The following DCAF17 variants were observed in gnomAD, a reference collection of about 807,000 sequenced individuals.
DCAF17 encodes the protein DDB1 and CUL4 associated factor 17.
A neutral mutation model predicts 66.0 loss-of-function variants in DCAF17; 48 were observed. That is an observed-to-expected ratio of 0.73 (90% CI 0.58 to 0.92). The LOEUF (loss-of-function observed/expected upper bound fraction) is 0.92. Among genes scored for constraint, DCAF17 ranks in the 40% least tolerant of loss-of-function variants. The pLI, the probability that DCAF17 is intolerant of heterozygous loss-of-function variation, is 0.00. For missense variants in DCAF17, 562 were observed against 622.8 expected (o/e 0.90, Z 1.04); for synonymous variants, 206 against 214.6 (o/e 0.96, Z 0.35).
chr2:171,459,761 C>T (rs1231893639), intron 8 of DCAF17, among the ~76,000 whole-genome samples: 2 of 151,970 alleles, frequency 1.3e-5, no homozygotes, highest in Non-Finnish European at 2.9e-5. Flanking sequence ...ATAAAAACTA[C>T]TGGGAGTTCA....
Position 171,484,867 on chromosome 2 carries a change from C to CAT in DCAF17, c.*3755_*3756dup. 2.2e-6 allele frequency: 1 copy of CAT among 453,846 alleles called. No homozygotes were observed. Among genetic ancestry groups the CAT allele is most frequent in the South Asian group, 1.6e-5 (1 of 64,420 alleles). 28.1% of individuals were successfully genotyped at this position (453,846 alleles called of 1,614,324 possible). A position where few individuals can be genotyped will look rare whatever the true frequency, so the allele number is the denominator to read the frequency against. ...AAAATGTAATGCTTCTTTCACTTAG[C>CAT]ATAATGTTTTTGAGATTTATTCATG... On this transcript the variant is annotated 3_prime_UTR_variant, in exon 14 of 14. Coordinates refer to ENST00000375255, the MANE Select transcript of DCAF17 (RefSeq NM_025000.4).
Position 171,481,897 on chromosome 2 carries a change from T to G in DCAF17, c.*783T>G. 2.2e-6 allele frequency: 1 copy of G among 454,092 alleles called. No homozygotes were observed. The highest frequency in any genetic ancestry group is 2.0e-5 in the African/African-American group (1 of 50,132). 28.1% of individuals were successfully genotyped at this position (454,092 alleles called of 1,614,324 possible). A position where few individuals can be genotyped will look rare whatever the true frequency, so the allele number is the denominator to read the frequency against. On this transcript the variant is annotated 3_prime_UTR_variant, in exon 14 of 14. Transcript: ENST00000375255. ...CATTCTACTCATTTAGTGAGTTTTCTGATCTTGTTTAGGCAATATTTGCAT... is the reference window on the plus strand; with the variant it reads ...CATTCTACTCATTTAGTGAGTTTTCGGATCTTGTTTAGGCAATATTTGCAT...
intron 12 of DCAF17, 128 bp from the exon 13 acceptor site, chr2:171,479,910 C>A: frequency 9.9e-7 from 1 of 1,012,398 alleles, no homozygotes; most frequent in South Asian, 1.5e-5. Flanking sequence ...TATTATTCTT[C>A]CCATTCATTC....
rs1345882071 is a variant in DCAF17, at chr2:171,434,363, T to C, written c.-215T>C. 9 of 809,446 alleles carry C rather than the reference T, an allele frequency of 1.1e-5. No homozygotes were observed. Among genetic ancestry groups the C allele is most frequent in the Non-Finnish European group, 1.6e-5 (8 of 492,112 alleles). 50.1% of individuals were successfully genotyped at this position (809,446 alleles called of 1,614,324 possible). On this transcript the variant is annotated 5_prime_UTR_variant, in exon 1 of 14. Transcript: ENST00000375255. Reference sequence around the variant, plus strand: ...GGGCAGATCGAAAAGGGAGTGCTTCTTCCCTTCTCTCCGCGCTCTGGCGGT... The same window carrying C: ...GGGCAGATCGAAAAGGGAGTGCTTCCTCCCTTCTCTCCGCGCTCTGGCGGT...
intron 9 of DCAF17, among the ~76,000 whole-genome samples, chr2:171,470,229 C>T (rs1220628624): frequency 6.6e-6 from 1 of 152,016 alleles, no homozygotes; most frequent in Non-Finnish European, 1.5e-5. Context: ...CGCTGTGTTT[C>T]CCTGGGTAGT....
chr2:171,470,544 C>T (rs1034112393), intron 9 of DCAF17, among the ~76,000 whole-genome samples: 1 of 152,152 alleles, frequency 6.6e-6, no homozygotes, highest in African/African-American at 2.4e-5. Flanking sequence ...AAGTACTTAT[C>T]ACATGGCTGC....
intron 11 of DCAF17, 91 bp from the exon 12 acceptor site, chr2:171,477,896 G>C: frequency 9.8e-7 from 1 of 1,018,834 alleles, no homozygotes; most frequent in Non-Finnish European, 1.5e-6. Context: ...GAGAAGGGTT[G>C]GTAAGTTTTA....
chr2:171,449,364 TA>T (rs933928536), intron 4 of DCAF17, among the ~76,000 whole-genome samples: 63 of 149,286 alleles, frequency 4.2e-4, no homozygotes, highest in African/African-American at 9.5e-4. Context: ...TAAATAAACT[TA>T]AAAAAAAAAA....
intron 9 of DCAF17, among the ~76,000 whole-genome samples, chr2:171,470,940 A>T (rs1045877525): frequency 6.6e-6 from 1 of 152,200 alleles, no homozygotes; most frequent in Non-Finnish European, 1.5e-5. Context: ...TGCATAGATT[A>T]TATGCAAATA....
rs996165197 is a variant in DCAF17 at position 171,463,099 on chromosome 2, C to T, written c.838+4622C>T. Among the ~76,000 whole-genome samples the T allele has an allele frequency of 4.6e-5, 7 of 151,866 alleles. No homozygotes were observed. The East Asian group carries it at 7.7e-4, about 17-fold the overall frequency. ...TACAAAAATTAGTCAGGTGTGGTGG[C>T]GAGCACCTGTGATCCCAGCTACTCA... is the stretch of plus-strand genomic sequence containing the variant. On this transcript the variant is annotated intron_variant, in intron 8 of 13. Transcript: ENST00000375255.
chr2:171,476,242 A>T (rs1223502631), intron 10 of DCAF17, among the ~76,000 whole-genome samples: 1 of 152,092 alleles, frequency 6.6e-6, no homozygotes, highest in Admixed American at 6.6e-5. Context: ...GGTGGTGAGC[A>T]AATTATTTTA....
chr2:171,470,663 A>G (rs1279046644), intron 9 of DCAF17, among the ~76,000 whole-genome samples: 1 of 152,182 alleles, frequency 6.6e-6, no homozygotes, highest in African/African-American at 2.4e-5. Context: ...GTGAGTGGAC[A>G]TCATTCAGCC....
chr2:171,455,601 A>G (rs1695213877), intron 6 of DCAF17, among the ~76,000 whole-genome samples: 1 of 152,222 alleles, frequency 6.6e-6, no homozygotes. Flanking sequence ...TGTCTTCCAT[A>G]ATGGTCAGAC....
chr2:171,458,833 T>C (rs1695410278), intron 8 of DCAF17, among the ~76,000 whole-genome samples: 1 of 152,028 alleles, frequency 6.6e-6, no homozygotes, highest in African/African-American at 2.4e-5. Flanking sequence ...ATTTACCCCC[T>C]CTCTAAGAAA....
intron 9 of DCAF17, among the ~76,000 whole-genome samples, chr2:171,473,514 A>G (rs1371231107): frequency 2.0e-5 from 3 of 152,202 alleles, no homozygotes; most frequent in Non-Finnish European, 2.9e-5. Context: ...ATCAGTTTTC[A>G]GTACTTCCTT....
chr2:171,473,856 C>T lies in DCAF17; in HGVS notation c.982-10C>T. On this transcript the variant is annotated splice_polypyrimidine_tract_variant and intron_variant, in intron 9 of 13. Transcript: ENST00000375255. ...TAATCTTTGTCTTTAATACTTTTTTCCAACTTCAGGCAAAAAATGGGATCC... is the reference window on the plus strand; with the variant it reads ...TAATCTTTGTCTTTAATACTTTTTTTCAACTTCAGGCAAAAAATGGGATCC... The T allele has an allele frequency of 6.2e-7, 1 of 1,607,412 alleles. No homozygotes were observed.
At chr2:171,468,447 T>G (rs1320970332) in intron 8 of DCAF17, among the ~76,000 whole-genome samples, 1 of 152,192 alleles carries the variant, frequency 6.6e-6, no homozygotes, top group Non-Finnish European at 1.5e-5. Flanking sequence ...GTGGAAGATC[T>G]CTTCCTCACA....
intron 8 of DCAF17, among the ~76,000 whole-genome samples, chr2:171,462,951 A>G (rs544666489): frequency 1.3e-5 from 2 of 152,224 alleles, no homozygotes; most frequent in East Asian, 3.9e-4. Flanking sequence ...AGGAGTTTTA[A>G]CTGGGCATAG....
chr2:171,482,956 T>G lies in DCAF17; in HGVS notation c.*1842T>G. 2.2e-6 allele frequency: 1 copy of G among 453,710 alleles called. No individual in the cohort carries two copies. Among genetic ancestry groups the G allele is most frequent in the South Asian group, 1.6e-5 (1 of 64,452 alleles). The allele number at this position is 453,710 out of a possible 1,614,324, so 28.1% of individuals were successfully genotyped here. ...ACCTCATGTGAAAGACAGTAAGGAG[T>G]TGTGGGCAGTGTAACAAACAGGAGA... is the stretch of plus-strand genomic sequence containing the variant. On this transcript the variant is annotated 3_prime_UTR_variant, in exon 14 of 14. Coordinates refer to ENST00000375255, the MANE Select transcript of DCAF17 (RefSeq NM_025000.4).
Sources: gnomAD v4.1 joint callset for allele counts (sites outside exome capture counted in the v4.1 genomes callset) on GRCh38, gnomAD v4.1.1 for gene constraint, MANE v1.5 for transcripts, NCBI Gene and HGNC (gene_info 2026-07-23, HGNC 2026-07-21) for gene names.